The following P3H1 variants were observed in gnomAD, a reference collection of about 807,000 sequenced individuals.
P3H1 encodes prolyl 3-hydroxylase 1, also known as growth suppressor 1.
Under a neutral mutation model 84.0 loss-of-function variants are expected in P3H1, and 69 were observed. The ratio of observed to expected loss-of-function variants is 0.82; its 90% CI spans 0.68 to 1.00. The LOEUF is 1.00. Among genes scored for constraint, P3H1 ranks in the 50% least tolerant of loss-of-function variants. The pLI is 0.00. For missense variants in P3H1, 878 were observed against 962.8 expected (o/e 0.91, Z 1.17); for synonymous variants, 366 against 388.8 (o/e 0.94, Z 0.69).
In P3H1 at chr1:42,748,388, G is replaced by A. The variant is rs113928976; in HGVS notation, c.1721-71C>T. On this transcript the variant is annotated intron_variant, in intron 11 of 14. Transcript: ENST00000296388. ...CGGCATAGCTCTCTTCTTGGCAGGG[G>A]AGGTGCTTCCCAAAATGTGTTTGAG... 4.2e-5 allele frequency: 49 copies of A among 1,179,136 alleles called. No individual in the cohort carries two copies. The African/African-American group carries it at 5.7e-4, about 14-fold the overall frequency. The allele number at this position is 1,179,136 out of a possible 1,614,324, so 73.0% of individuals were successfully genotyped here.
chr1:42,748,192 G>T lies in P3H1; in HGVS notation c.1838+8C>A, dbSNP rs549922561. The T allele has an allele frequency of 3.7e-6, 6 of 1,605,114 alleles. No homozygotes were observed. The South Asian group carries it at 4.4e-5, about 12-fold the overall frequency. The stretch of plus-strand genomic sequence containing the variant: ...GACCTCCTCACCCTGCACCTGCCCC[G>T]CACTCACCTGTAGTCGCGGAAGGTG... On this transcript the variant is annotated splice_region_variant and intron_variant, in intron 12 of 14. Transcript: ENST00000296388.
intron 1 of P3H1, among the ~76,000 whole-genome samples, chr1:42,766,302 G>A (rs1167009362): frequency 2.0e-5 from 3 of 152,150 alleles, no homozygotes; most frequent in Non-Finnish European, 4.4e-5. Context: ...TGGACCTTTG[G>A]GGTTAGCATC....
At chr1:42,762,537 A>C in intron 1 of P3H1, 62 bp from the exon 2 acceptor site, 1 of 1,571,764 alleles carries the variant, frequency 6.4e-7, no homozygotes, top group Non-Finnish European at 8.8e-7. Flanking sequence ...GTTTGTGTCC[A>C]CATGAGCAGT....
Position 42,752,641 on chromosome 1 carries a change from T to C in P3H1, c.1369A>G (p.Ile457Val). ...REGGPLLYEG[I>V]SLTMNSKLLN... is the part of the protein sequence containing the mutation. ...AGTTTGGAGTTCATGGTGAGACTGA[T>C]GCCTTCATACAGCAGGGGGCCACCT... Residue 457 changes from isoleucine to valine, a missense_variant, in exon 9 of 15, where the codon ATC becomes GTC. By Grantham distance (29) the Ile-to-Val change is conservative. Transcript: ENST00000296388. 1 of 1,614,194 alleles carries C rather than the reference T, an allele frequency of 6.2e-7. No homozygotes were observed. The highest frequency in any genetic ancestry group is 8.5e-7 in the Non-Finnish European group (1 of 1,180,040).
chr1:42,752,870 T>A (rs2124111868), intron 8 of P3H1, among the ~76,000 whole-genome samples: 1 of 152,274 alleles, frequency 6.6e-6, no homozygotes, highest in South Asian at 2.1e-4. Flanking sequence ...CCCAGCTCCA[T>A]GACCAAATAG....
intron 11 of P3H1, 138 bp from the exon 12 acceptor site, chr1:42,748,455 A>G: frequency 1.3e-6 from 1 of 750,374 alleles, no homozygotes; most frequent in Non-Finnish European, 2.4e-6. Flanking sequence ...TCTTTGGCTA[A>G]GCCACAAGCC....
rs947841946 is a variant in P3H1, at chr1:42,754,504, G to A, written c.1345+365C>T. Among the ~76,000 whole-genome samples the A allele has an allele frequency of 2.0e-5, 3 of 152,132 alleles. No individual in the cohort carries two copies. The highest frequency in any genetic ancestry group is 4.4e-5 in the Non-Finnish European group (3 of 68,028). ...CAACACTAGTCACTCATGTTTCTGT[G>A]ACACAGAAGTCTCATTTCTTTCTTT... On this transcript the variant is annotated intron_variant, in intron 8 of 14. Transcript: ENST00000296388. This position sits in a 1 kb window ranked among gnomAD's most constrained non-coding sequence, Gnocchi z 4.0.
intron 11 of P3H1, chr1:42,748,728 C>A: frequency 7.0e-6 from 2 of 285,438 alleles, no homozygotes; most frequent in Non-Finnish European, 1.4e-5. Context: ...GGAAGTGGGG[C>A]AGAGAAGAGC....
chr1:42,757,652 C>T (rs1423347089), intron 5 of P3H1, 131 bp downstream of exon 5: 1 of 1,330,250 alleles, frequency 7.5e-7, no homozygotes, highest in Non-Finnish European at 1.1e-6. Context: ...ACTGAACTCA[C>T]ATCTGGCCCC....
rs766675477 is a variant in P3H1, at chr1:42,755,114, C to G, written c.1223+51G>C. ...ACATCTGCCTGGGCTCAGGAAGCCT[C>G]AAGTGCTTCATCAGACTGATCCAAC... On this transcript the variant is annotated intron_variant, in intron 7 of 14. Coordinates refer to ENST00000296388, the MANE Select transcript of P3H1 (RefSeq NM_022356.4). 4 of 1,611,540 alleles carry G rather than the reference C, an allele frequency of 2.5e-6. No homozygotes were observed. The South Asian group carries it at 4.4e-5, about 18-fold the overall frequency.
intron 8 of P3H1, 136 bp from the exon 9 acceptor site, chr1:42,752,800 T>C (rs1652190498): frequency 5.4e-6 from 6 of 1,110,402 alleles, no homozygotes; most frequent in Admixed American, 4.0e-5. Flanking sequence ...CGCTAGGTCA[T>C]TTTCAAAGGT....
At chr1:42,764,623 G>A (rs942934943) in intron 1 of P3H1, among the ~76,000 whole-genome samples, 12 of 152,134 alleles carry the variant, frequency 7.9e-5, no homozygotes, top group Middle Eastern at 6.8e-3. Context: ...GAGATAATAT[G>A]CAGCCTGTAA....
At chr1:42,748,759 T>C (rs1216758123) in intron 11 of P3H1, 4 of 279,484 alleles carry the variant, frequency 1.4e-5, no homozygotes, top group Non-Finnish European at 2.9e-5. Context: ...AGGGAAAGCA[T>C]GAACTTCAGT....
At chr1:42,763,978 A>T (rs1476619338) in intron 1 of P3H1, among the ~76,000 whole-genome samples, 1 of 151,916 alleles carries the variant, frequency 6.6e-6, no homozygotes, top group Admixed American at 6.6e-5. Flanking sequence ...TTTGAGACCA[A>T]CAATAGCTGG....
At chr1:42,764,190 G>C (rs1360882410) in intron 1 of P3H1, among the ~76,000 whole-genome samples, 1 of 152,120 alleles carries the variant, frequency 6.6e-6, no homozygotes, top group African/African-American at 2.4e-5. Flanking sequence ...TTGGGAGGCC[G>C]AGGCAGGTGG....
At chr1:42,755,317 T>C (rs1652337390) in intron 6 of P3H1, 100 bp from the exon 7 acceptor site, 1 of 1,195,234 alleles carries the variant, frequency 8.4e-7, no homozygotes, top group Non-Finnish European at 1.2e-6. Context: ...ATCCAGCTTA[T>C]CACCCTCTTC....
At chr1:42,753,080 C>G (rs1232008244) in intron 8 of P3H1, among the ~76,000 whole-genome samples, 1 of 152,146 alleles carries the variant, frequency 6.6e-6, no homozygotes, top group Non-Finnish European at 1.5e-5. Flanking sequence ...ACAGCATCTA[C>G]CTTATATGTT....
At chr1:42,765,862 TATC>T (rs1038837059) in intron 1 of P3H1, among the ~76,000 whole-genome samples, 11 of 152,048 alleles carry the variant, frequency 7.2e-5, no homozygotes, top group African/African-American at 2.4e-4. Context: ...ATGTGCTGGC[TATC>T]ATCATCATCA....
rs531045044 is a variant in P3H1 at position 42,752,108 on chromosome 1, T to C, written c.1569+166A>G. On this transcript the variant is annotated intron_variant, in intron 10 of 14. Coordinates refer to ENST00000296388, the MANE Select transcript of P3H1 (RefSeq NM_022356.4). ...CACTCGGTCTAACAGGATTCAAAAG[T>C]GAACCTCACGCAACATAACTCATCC... 2.6e-5 allele frequency among the ~76,000 whole-genome samples: 4 copies of C among 152,338 alleles called. No homozygotes were observed. In the South Asian group the frequency reaches 8.3e-4, roughly 32 times the overall value.
Sources: gnomAD v4.1 joint callset for allele counts (sites outside exome capture counted in the v4.1 genomes callset) on GRCh38, gnomAD v4.1.1 for gene constraint, Gnocchi (gnomAD v3.1) non-coding constraint, MANE v1.5 for transcripts, NCBI Gene and HGNC (gene_info 2026-07-23, HGNC 2026-07-21) for gene names.